Variants in CHD6 observed in about 807,000 individuals in gnomAD.
CHD6 encodes ATP-dependent chromatin remodeler CHD6.
Under a neutral mutation model 276.9 loss-of-function variants are expected in CHD6, and 50 were observed. The ratio of observed to expected loss-of-function variants is 0.18; its 90% CI spans 0.14 to 0.23. CHD6 has a LOEUF of 0.23. Ranked by LOEUF, CHD6 falls within the 10% of genes least tolerant of loss-of-function variation. The probability of loss-of-function intolerance (pLI) is 1.00; values close to 1 mark genes in which losing one functional copy is unlikely to be tolerated. For missense variants in CHD6, 2,564 were observed against 3,365.8 expected, an observed-to-expected ratio of 0.76 and a Z score of 5.89; for synonymous variants, 1,173 against 1,229.3, an observed-to-expected ratio of 0.95 and a Z score of 0.96.
At chr20:41,598,475 C>T (rs1373238688) in intron 1 of CHD6, among the ~76,000 whole-genome samples, 5 of 152,206 alleles carry the variant, frequency 3.3e-5, no homozygotes, top group Non-Finnish European at 5.9e-5. Context: ...AACGCTTGTG[C>T]AACGGGCAGG....
chr20:41,540,889 A>G (rs556241769), intron 2 of CHD6, among the ~76,000 whole-genome samples: 1 of 152,342 alleles, frequency 6.6e-6, no homozygotes, highest in South Asian at 2.1e-4. Context: ...GTTTCTATTA[A>G]TAAATCAGTT....
Position 41,530,988 on chromosome 20 carries a change from T to C in CHD6, c.554+2062A>G, listed in dbSNP as rs1389915262. Among the ~76,000 whole-genome samples the C allele has an allele frequency of 1.3e-5, 2 of 152,226 alleles. 1 individual carries two copies. The highest frequency in any genetic ancestry group is 6.4e-3 in the Middle Eastern group (2 of 314). On this transcript the variant is annotated intron_variant, in intron 3 of 36. Transcript: ENST00000373233. The stretch of plus-strand genomic sequence containing the variant: ...ATCAAGTTGCGTTAATATTGCTACA[T>C]TTATATAACAAAGACTGTACATTTT...
chr20:41,548,933 C>T (rs1393393605), intron 2 of CHD6, among the ~76,000 whole-genome samples: 3 of 152,058 alleles, frequency 2.0e-5, no homozygotes, highest in South Asian at 2.1e-4. Context: ...CAAATCAAAA[C>T]CACAATGAGA....
intron 1 of CHD6, among the ~76,000 whole-genome samples, chr20:41,591,103 T>C (rs186774055): frequency 6.6e-6 from 1 of 151,354 alleles, no homozygotes; most frequent in African/African-American, 2.4e-5. Context: ...CAGCAAACTA[T>C]TGCAGGGACA....
At position 41,473,641 on chromosome 20, in the gene CHD6, G is replaced by T; in HGVS notation, c.2469-124C>A. On this transcript the variant is annotated intron_variant, in intron 16 of 36. Transcript: ENST00000373233. The surrounding 1 kb of genome is among the most constrained non-coding windows in gnomAD (Gnocchi z 4.1). ...CCTCACTTCTAAATTTGGACCAAAT[G>T]ACAGCAGTCTAGAAGGAATCCTGCC... The T allele has an allele frequency of 1.3e-6, 1 of 744,182 alleles. No homozygotes were observed. Among genetic ancestry groups the T allele is most frequent in the South Asian group, 1.8e-5 (1 of 55,918 alleles). The allele number at this position is 744,182 out of a possible 1,614,324, so 46.1% of individuals were successfully genotyped here. A position where few individuals can be genotyped will look rare whatever the true frequency, so the allele number is the denominator to read the frequency against.
chr20:41,405,260 C>T lies in CHD6; in HGVS notation c.7481G>A (p.Gly2494Glu), dbSNP rs749828766. 2 of 1,614,186 alleles carry T rather than the reference C, an allele frequency of 1.2e-6. No homozygotes were observed. The highest frequency in any genetic ancestry group is 8.5e-7 in the Non-Finnish European group (1 of 1,180,044). ...MRNMPGIPLT[G>E]LVGFPAGFAT... is the part of the protein sequence containing the mutation. ...AAAGCCAGCTGGAAACCCCACCAGC[C>T]CGGTGAGGGGGATGCCTGGCATATT... The change falls in exon 37 of 37, where the codon GGG (glycine) becomes GAG (glutamate). Residue 2494 changes from glycine (G) to glutamate (E), a missense_variant. Physicochemically the swap from Gly to Glu is moderately conservative, Grantham distance 98. Coordinates refer to ENST00000373233, the MANE Select transcript of CHD6 (RefSeq NM_032221.5).
At chr20:41,548,438 G>T (rs1601127589) in intron 2 of CHD6, among the ~76,000 whole-genome samples, 1 of 152,126 alleles carries the variant, frequency 6.6e-6, no homozygotes, top group African/African-American at 2.4e-5. Context: ...AATCACTAAA[G>T]AATGTTTTGA....
At chr20:41,599,261 T>C (rs774247627) in intron 1 of CHD6, among the ~76,000 whole-genome samples, 17 of 152,202 alleles carry the variant, frequency 1.1e-4, no homozygotes, top group Non-Finnish European at 1.8e-4. Context: ...TGTGTCATGA[T>C]TGGGGTCCAA....
At position 41,451,698 on chromosome 20, in the gene CHD6, T is replaced by C. The variant is rs1483381394; in HGVS notation, c.3523+128A>G. 3 of 786,418 alleles carry C rather than the reference T, an allele frequency of 3.8e-6. No homozygotes were observed. In the African/African-American group the frequency reaches 5.2e-5, roughly 14 times the overall value. The allele number at this position is 786,418 out of a possible 1,614,324, so 48.7% of individuals were successfully genotyped here. ...AAACGAAAGCAACATCTTTTCCCAC[T>C]GGTAACATTCTGAAAAACACCCGAG... On this transcript the variant is annotated intron_variant, in intron 22 of 36. Coordinates refer to ENST00000373233, the MANE Select transcript of CHD6 (RefSeq NM_032221.5).
At chr20:41,409,362 G>A (rs1314946395) in intron 36 of CHD6, among the ~76,000 whole-genome samples, 1 of 152,208 alleles carries the variant, frequency 6.6e-6, no homozygotes, top group Non-Finnish European at 1.5e-5. Context: ...TGCGGAGGGG[G>A]CAAAGGGAAC....
rs1193320377 is a variant in CHD6, at chr20:41,484,440, G to T, written c.2169C>A (p.Thr723=). ...AILEKNFSFL[T]KGANQHNMPN... ...GCATGTTGTGCTGATTTGCCCCCTT[G>T]GTCAGGAAGGAAAAGTTCTTCTCGA... The change falls in exon 15 of 37, where the codon ACC becomes ACA. Residue 723 remains threonine, a synonymous_variant. Coordinates refer to ENST00000373233, the MANE Select transcript of CHD6 (RefSeq NM_032221.5). The T allele has an allele frequency of 6.2e-7, 1 of 1,613,794 alleles. No individual in the cohort carries two copies. The highest frequency in any genetic ancestry group is 1.1e-5 in the South Asian group (1 of 91,072).
chr20:41,415,309 A>T lies in CHD6; in HGVS notation c.6816T>A (p.Ile2272=). 6.2e-7 allele frequency: 1 copy of T among 1,614,122 alleles called. No homozygotes were observed. The highest frequency in any genetic ancestry group is 8.5e-7 in the Non-Finnish European group (1 of 1,180,030). Reference sequence around the variant, plus strand: ...CATCTCTTCTGAGGCTTCCATTGACAATCTGTCCAGTCACAGGATGGATCA... The same window carrying T: ...CATCTCTTCTGAGGCTTCCATTGACTATCTGTCCAGTCACAGGATGGATCA... ...AGLIHPVTGQ[I]VNGSLRRDDA... Residue 2272 remains isoleucine (I), a synonymous_variant, in exon 34 of 37, where the codon ATT becomes ATA. Transcript: ENST00000373233.
At chr20:41,491,887 C>A in intron 10 of CHD6, 68 bp from the exon 11 acceptor site, 1 of 1,550,730 alleles carries the variant, frequency 6.4e-7, no homozygotes. Context: ...TGGATACTAA[C>A]GAGGACAGTG....
intron 20 of CHD6, among the ~76,000 whole-genome samples, chr20:41,453,829 T>C (rs2048313250): frequency 6.6e-6 from 1 of 152,156 alleles, no homozygotes; most frequent in South Asian, 2.1e-4. Context: ...TTTCTATTTA[T>C]AGGAGAAAAG....
intron 2 of CHD6, among the ~76,000 whole-genome samples, chr20:41,539,275 T>G (rs2044894490): frequency 6.6e-6 from 1 of 152,234 alleles, no homozygotes; most frequent in Non-Finnish European, 1.5e-5. Context: ...TAAAACTGCT[T>G]CTGTTATTTC....
At chr20:41,425,453 T>C in intron 28 of CHD6, 59 bp from the exon 29 acceptor site, 1 of 1,477,376 alleles carries the variant, frequency 6.8e-7, no homozygotes, top group Non-Finnish European at 9.3e-7. Flanking sequence ...GGAGTGACTG[T>C]CTTTTGGTTT....
rs912220401 is a variant in CHD6 at position 41,402,798 on chromosome 20, TGTTA to T, written c.*1791_*1794del. 5 of 210,400 alleles carry T rather than the reference TGTTA, an allele frequency of 2.4e-5. No homozygotes were observed. Among genetic ancestry groups the T allele is most frequent in the Non-Finnish European group, 4.8e-5 (5 of 103,656 alleles). The allele number at this position is 210,400 out of a possible 1,614,324, so 13.0% of individuals were successfully genotyped here. Reference sequence around the variant, plus strand: ...CCACTGGAGGCAAAACTGAACAAAATGTTAGTTAAATAGAGAGAGCAGCATTTCT... The same window carrying T: ...CCACTGGAGGCAAAACTGAACAAAATGTTAAATAGAGAGAGCAGCATTTCT... On this transcript the variant is annotated 3_prime_UTR_variant, in exon 37 of 37. Transcript: ENST00000373233.
At chr20:41,416,172 C>T (rs2046989910) in intron 33 of CHD6, among the ~76,000 whole-genome samples, 1 of 152,212 alleles carries the variant, frequency 6.6e-6, no homozygotes, top group African/African-American at 2.4e-5. Context: ...ATTGTTAGAG[C>T]TCAGTTCTCT....
rs1003599267 is a variant in CHD6, at chr20:41,448,074, G to A, written c.3684-103C>T. On this transcript the variant is annotated intron_variant, in intron 23 of 36. Transcript: ENST00000373233. ...GGGAAATTCTGGGCATTCCCATGTA[G>A]TTAATATTATGAAGTAATAGAAGAG... 28 of 582,240 alleles carry A rather than the reference G, an allele frequency of 4.8e-5. No individual in the cohort carries two copies. The African/African-American group carries it at 5.3e-4, about 11-fold the overall frequency. 36.1% of individuals were successfully genotyped at this position (582,240 alleles called of 1,614,324 possible).
Sources: gnomAD v4.1 joint callset for allele counts (sites outside exome capture counted in the v4.1 genomes callset) on GRCh38, gnomAD v4.1.1 for gene constraint, Gnocchi (gnomAD v3.1) non-coding constraint, MANE v1.5 for transcripts, NCBI Gene and HGNC (gene_info 2026-07-23, HGNC 2026-07-21) for gene names.